Variants in OTOGL observed in about 807,000 individuals in gnomAD.
OTOGL encodes otogelin like.
A neutral mutation model predicts 318.5 loss-of-function variants in OTOGL; 285 were observed. The observed-to-expected ratio is 0.89, with a 90% confidence interval of 0.81 to 0.99. The LOEUF (loss-of-function observed/expected upper bound fraction) is 0.99. Among genes scored for constraint, OTOGL ranks in the 50% least tolerant of loss-of-function variants. OTOGL has a pLI of 0.00. For synonymous variants in OTOGL, 987 were observed against 936.5 expected (o/e 1.05, Z -0.99); for missense variants, 2,899 against 2,845.6 (o/e 1.02, Z -0.43).
intron 1 of OTOGL, among the ~76,000 whole-genome samples, chr12:80,189,858 C>A (rs1443202949): frequency 6.6e-6 from 1 of 152,066 alleles, no homozygotes; most frequent in South Asian, 2.1e-4. Flanking sequence ...GTTAGCTATA[C>A]GGGAGGAAGC....
In OTOGL at chr12:80,254,563, C is replaced by T. The variant is rs2137513595; in HGVS notation, c.1434C>T (p.Asp478=). 1 of 1,605,478 alleles carries T rather than the reference C, an allele frequency of 6.2e-7. No individual in the cohort carries two copies. Among genetic ancestry groups the T allele is most frequent in the Non-Finnish European group, 8.5e-7 (1 of 1,174,072 alleles). ...GAGTTTGGAACTGCACTGAGCAAGACTGTCCAGGTAATTTTTTAAAATGTT... is the reference window on the plus strand; with the variant it reads ...GAGTTTGGAACTGCACTGAGCAAGATTGTCCAGGTAATTTTTTAAAATGTT... ...VGGVWNCTEQ[D]CPVQCSVVGD... is the part of the protein sequence containing the mutation. Residue 478 remains aspartate, a synonymous_variant, in exon 15 of 59, where the codon GAC becomes GAT. Coordinates refer to ENST00000547103, the MANE Select transcript of OTOGL (RefSeq NM_001378609.3).
intron 57 of OTOGL, 30 bp from the exon 58 acceptor site, chr12:80,377,093 G>T: frequency 6.6e-7 from 1 of 1,512,032 alleles, no homozygotes; most frequent in Non-Finnish European, 9.1e-7. Flanking sequence ...GTAGGCCTTT[G>T]ATGAATAAAT....
At chr12:80,344,276 T>C (rs970577917) in intron 44 of OTOGL, among the ~76,000 whole-genome samples, 1 of 152,172 alleles carries the variant, frequency 6.6e-6, no homozygotes, top group African/African-American at 2.4e-5. Flanking sequence ...ACTTGAAAGG[T>C]TGGTTATATC....
chr12:80,196,213 C>T (rs1370224237), intron 1 of OTOGL, among the ~76,000 whole-genome samples: 2 of 151,958 alleles, frequency 1.3e-5, no homozygotes, highest in East Asian at 1.9e-4. Flanking sequence ...AGCTACAGTC[C>T]CCCTCCTTTT....
At chr12:80,220,892 G>A (rs535195561) in intron 6 of OTOGL, among the ~76,000 whole-genome samples, 9 of 152,196 alleles carry the variant, frequency 5.9e-5, no homozygotes, top group African/African-American at 2.2e-4. Flanking sequence ...CAGAGGTGGG[G>A]CATACTGTCA....
At chr12:80,232,788 A>G in intron 8 of OTOGL, 104 bp from the exon 9 acceptor site, 1 of 1,003,766 alleles carries the variant, frequency 1.0e-6, no homozygotes, top group Non-Finnish European at 1.4e-6. Flanking sequence ...CAATAATTTC[A>G]AGTAATCATT....
chr12:80,219,109 G>A lies in OTOGL; in HGVS notation c.236-705G>A, dbSNP rs79745392. Among the ~76,000 whole-genome samples the A allele has an allele frequency of 2.3e-3, 350 of 150,824 alleles. 1 individual carries two copies. The highest frequency in any genetic ancestry group is 8.3e-3 in the African/African-American group (340 of 41,100). On this transcript the variant is annotated intron_variant, in intron 5 of 58. Coordinates refer to ENST00000547103, the MANE Select transcript of OTOGL (RefSeq NM_001378609.3). ...GATCCCTCAAGTTAATGATTGACCC[G>A]ATTCTTTTTTTGTTGTTGTTGAGAC... is the stretch of plus-strand genomic sequence containing the variant.
chr12:80,144,067 T>C (rs1415437852), intron 1 of OTOGL, among the ~76,000 whole-genome samples: 1 of 151,930 alleles, frequency 6.6e-6, no homozygotes, highest in Non-Finnish European at 1.5e-5. Flanking sequence ...TTTTCTTTTA[T>C]TATTATACTT....
intron 30 of OTOGL, 111 bp from the exon 31 acceptor site, chr12:80,313,365 G>A (rs983333303): frequency 3.0e-6 from 3 of 992,196 alleles, no homozygotes; most frequent in African/African-American, 1.6e-5. Flanking sequence ...CTAGGTGGCA[G>A]TGTTAAGCTG....
Position 80,255,087 on chromosome 12 carries a change from C to A in OTOGL, c.1489C>A (p.Arg497=). The A allele has an allele frequency of 6.6e-7, 1 of 1,516,034 alleles. No individual in the cohort carries two copies. The highest frequency in any genetic ancestry group is 8.8e-7 in the Non-Finnish European group (1 of 1,134,046). The allele number at this position is 1,516,034 out of a possible 1,614,324, so 93.9% of individuals were successfully genotyped here. A position where few individuals can be genotyped will look rare whatever the true frequency, so the allele number is the denominator to read the frequency against. The part of the protein sequence containing the change: ...GDSHFTTFDG[R]HYSFIGMCQY... ...TTCTCACTTTACAACTTTTGATGGT[C>A]GACATTATTCTTTTATTGGCATGTG... The change falls in exon 16 of 59, where the codon CGA becomes AGA. Residue 497 remains arginine (R), a synonymous_variant. Transcript: ENST00000547103.
At chr12:80,343,644 C>T (rs939427167) in intron 44 of OTOGL, 2 of 149,196 alleles carry the variant, frequency 1.3e-5, no homozygotes, top group Non-Finnish European at 3.0e-5. Context: ...CGTGGATAGT[C>T]GTCCTTTCAA....
chr12:80,308,893 T>C (rs941251172), intron 29 of OTOGL, among the ~76,000 whole-genome samples: 69 of 151,594 alleles, frequency 4.6e-4, no homozygotes, highest in Non-Finnish European at 8.8e-4. Context: ...GGCAGGGAGG[T>C]TGCAGTGAGC....
chr12:80,206,337 A>C (rs1876806514), intron 1 of OTOGL, among the ~76,000 whole-genome samples: 1 of 152,152 alleles, frequency 6.6e-6, no homozygotes, highest in African/African-American at 2.4e-5. Flanking sequence ...AGTTAGTTGA[A>C]AAAGGACTTG....
intron 52 of OTOGL, among the ~76,000 whole-genome samples, chr12:80,362,899 T>A (rs1228008786): frequency 1.3e-5 from 2 of 152,220 alleles, no homozygotes; most frequent in Non-Finnish European, 2.9e-5. Context: ...AATAGCTAAC[T>A]GAAGGAAGAA....
In OTOGL at chr12:80,367,602, A is replaced by C. The variant is rs367771308; in HGVS notation, c.6373A>C (p.Asn2125His). ...TGTATTTCAAGAAGTATCAGTATTG[A>C]ATCCTGGACAATCCATGATAAAGTA... ...VCVFQEVSVL[N>H]PGQSMIKYLE... The change falls in exon 54 of 59, where the codon AAT becomes CAT. Residue 2125 changes from asparagine (N) to histidine (H), a missense_variant. Coordinates refer to ENST00000547103, the MANE Select transcript of OTOGL (RefSeq NM_001378609.3). 8.4e-6 allele frequency: 13 copies of C among 1,543,922 alleles called. No homozygotes were observed. Among genetic ancestry groups the C allele is most frequent in the Non-Finnish European group, 1.1e-5 (13 of 1,135,666 alleles).
At chr12:80,316,239 G>A (rs972384636) in intron 32 of OTOGL, among the ~76,000 whole-genome samples, 12 of 151,980 alleles carry the variant, frequency 7.9e-5, no homozygotes, top group Admixed American at 6.6e-4. Context: ...GATGATCACC[G>A]CACATTGTCA....
chr12:80,120,650 A>G (rs1256946137), intron 1 of OTOGL, among the ~76,000 whole-genome samples: 1 of 152,236 alleles, frequency 6.6e-6, no homozygotes, highest in East Asian at 1.9e-4. Flanking sequence ...ATGCCTTTCA[A>G]TATGAATATT....
intron 58 of OTOGL, among the ~76,000 whole-genome samples, 186 bp downstream of exon 58, chr12:80,377,388 C>A (rs905441157): frequency 6.6e-6 from 1 of 152,114 alleles, no homozygotes; most frequent in African/African-American, 2.4e-5. Flanking sequence ...TTAGCATAAT[C>A]AGCAGTTCTG....
At chr12:80,323,096 C>G (rs1887441662) in intron 34 of OTOGL, among the ~76,000 whole-genome samples, 1 of 109,394 alleles carries the variant, frequency 9.1e-6, no homozygotes, top group Admixed American at 1.1e-4. Context: ...TGAAAACCCA[C>G]TACACACACA....
Sources: gnomAD v4.1 joint callset for allele counts (sites outside exome capture counted in the v4.1 genomes callset) on GRCh38, gnomAD v4.1.1 for gene constraint, MANE v1.5 for transcripts, NCBI Gene and HGNC (gene_info 2026-07-23, HGNC 2026-07-21) for gene names.